Variants in CPM observed in about 807,000 individuals in gnomAD.
The protein encoded by CPM is carboxypeptidase M.
In CPM, 35 loss-of-function variants were observed where a neutral mutation model predicts 46.4. The observed-to-expected ratio is 0.75, with a 90% confidence interval of 0.58 to 1.00. The LOEUF (loss-of-function observed/expected upper bound fraction) is 1.00, where lower values mean the gene tolerates loss of function less well. Among genes scored for constraint, CPM ranks in the 50% least tolerant of loss-of-function variants. CPM has a pLI of 0.00. For missense variants in CPM, 422 were observed against 530.4 expected (o/e 0.80, Z 2.01); for synonymous variants, 195 against 195.3 (o/e 1.00, Z 0.01).
intron 2 of CPM, among the ~76,000 whole-genome samples, chr12:68,900,660 G>T (rs1887075497): frequency 6.6e-6 from 1 of 152,126 alleles, no homozygotes; most frequent in Non-Finnish European, 1.5e-5. Context: ...TAAATAACCT[G>T]TGGTACACTC....
intron 7 of CPM, 135 bp from the exon 8 acceptor site, chr12:68,859,206 AG>A: frequency 4.3e-6 from 2 of 466,230 alleles, no homozygotes; most frequent in Non-Finnish European, 6.8e-6. Flanking sequence ...AGTGTTAGAG[AG>A]GGAAAAAACT....
chr12:68,959,463 A>G (rs111708096), intron 1 of CPM, among the ~76,000 whole-genome samples: 197 of 152,392 alleles, frequency 1.3e-3, no homozygotes, highest in Non-Finnish European at 2.3e-3. Flanking sequence ...TACGCTGTTA[A>G]TTCTTCAAAA....
At chr12:68,898,815 T>G (rs1239071450) in intron 2 of CPM, among the ~76,000 whole-genome samples, 2 of 152,224 alleles carry the variant, frequency 1.3e-5, no homozygotes, top group African/African-American at 4.8e-5. Context: ...TCTAAATGAA[T>G]CAGTTTCCTC....
intron 1 of CPM, among the ~76,000 whole-genome samples, chr12:68,947,418 A>G (rs1225415590): frequency 6.6e-6 from 1 of 151,934 alleles, no homozygotes; most frequent in Non-Finnish European, 1.5e-5. Context: ...CCAACATGGC[A>G]AAACCATATC....
chr12:68,877,231 T>C (rs926506937), intron 3 of CPM, among the ~76,000 whole-genome samples: 1 of 152,198 alleles, frequency 6.6e-6, no homozygotes, highest in Non-Finnish European at 1.5e-5. Flanking sequence ...CTGACCTCCC[T>C]TTCTCTAACT....
chr12:68,957,922 A>G (rs973881796), intron 1 of CPM, among the ~76,000 whole-genome samples: 1 of 141,890 alleles, frequency 7.0e-6, no homozygotes, highest in Non-Finnish European at 1.5e-5. Flanking sequence ...GTTCCCACCT[A>G]TGAGTGAGAA....
At chr12:68,904,274 A>C (rs1482613402) in intron 2 of CPM, among the ~76,000 whole-genome samples, 1 of 152,200 alleles carries the variant, frequency 6.6e-6, no homozygotes, top group Non-Finnish European at 1.5e-5. Flanking sequence ...CATTCCAGAG[A>C]CACTCTTGAC....
chr12:68,876,921 A>T (rs200793159), intron 3 of CPM, among the ~76,000 whole-genome samples: 27 of 48,940 alleles, frequency 5.5e-4, no homozygotes, highest in Middle Eastern at 8.2e-3. Flanking sequence ...TGTGTGTGTG[A>T]GAGAGAGAGA....
intron 2 of CPM, among the ~76,000 whole-genome samples, chr12:68,894,243 C>A (rs975764398): frequency 2.0e-5 from 3 of 152,214 alleles, no homozygotes; most frequent in African/African-American, 7.2e-5. Flanking sequence ...AGGGCACTGC[C>A]TGGTGTGTTC....
At chr12:68,914,688 C>T (rs1447326319) in intron 2 of CPM, among the ~76,000 whole-genome samples, 1 of 152,140 alleles carries the variant, frequency 6.6e-6, no homozygotes, top group East Asian at 1.9e-4. Context: ...GAATCAGCTG[C>T]TCTGATTTAA....
intron 2 of CPM, among the ~76,000 whole-genome samples, chr12:68,917,084 T>C (rs1210962887): frequency 1.3e-5 from 2 of 152,102 alleles, no homozygotes; most frequent in Non-Finnish European, 2.9e-5. Context: ...CTCCATAATC[T>C]ACCCCACACT....
At position 68,855,023 on chromosome 12, in the gene CPM, ATT is replaced by A. The variant is rs35952022; in HGVS notation, c.*1412_*1413del. Reference sequence around the variant, plus strand: ...AGGCATGCACCACCACGCCCGACTAATTTTTTTTTTTTTTTTAGTAGAGATGG... The same window carrying A: ...AGGCATGCACCACCACGCCCGACTAATTTTTTTTTTTTTTAGTAGAGATGG... On this transcript the variant is annotated 3_prime_UTR_variant, in exon 9 of 9. Coordinates refer to ENST00000551568, the MANE Select transcript of CPM (RefSeq NM_198320.5). 12 of 144,164 alleles carry A rather than the reference ATT, an allele frequency of 8.3e-5. No individual in the cohort carries two copies. The highest frequency in any genetic ancestry group is 3.5e-3 in the Middle Eastern group (1 of 282). The allele number at this position is 144,164 out of a possible 1,614,324, so 8.9% of individuals were successfully genotyped here.
In CPM at chr12:68,862,320, C is replaced by G. The variant is rs191034505; in HGVS notation, c.941-3249G>C. On this transcript the variant is annotated intron_variant, in intron 7 of 8. Coordinates refer to ENST00000551568, the MANE Select transcript of CPM (RefSeq NM_198320.5). ...CACCAGTTCGGCTCACTGCAACTTT[C>G]ATCTCCCGGGTTCAAGCGATTCTCC... is the stretch of plus-strand genomic sequence containing the variant. Among the ~76,000 whole-genome samples, 3 of 138,926 alleles carry G rather than the reference C, an allele frequency of 2.2e-5. No homozygotes were observed. The East Asian group carries it at 5.8e-4, about 27-fold the overall frequency. The allele number at this position is 138,926 out of a possible 152,430, so 91.1% of individuals were successfully genotyped here. A position where few individuals can be genotyped will look rare whatever the true frequency, so the allele number is the denominator to read the frequency against.
chr12:68,929,607 T>G (rs189503974), intron 2 of CPM, among the ~76,000 whole-genome samples: 2 of 152,328 alleles, frequency 1.3e-5, no homozygotes, highest in East Asian at 3.9e-4. Flanking sequence ...TTAACTTTTG[T>G]GTGGATTTTA....
At chr12:68,913,189 C>T (rs1311011956) in intron 2 of CPM, among the ~76,000 whole-genome samples, 1 of 152,186 alleles carries the variant, frequency 6.6e-6, no homozygotes, top group African/African-American at 2.4e-5. Flanking sequence ...AGTCTGTGCT[C>T]ACTGGAAAGT....
At chr12:68,845,162 G>A (rs184278637) in intron 5 of CPM, 65 of 223,570 alleles carry the variant, frequency 2.9e-4, no homozygotes, top group South Asian at 5.5e-4. Context: ...TTTTAGTTGC[G>A]CTTTATGGGT....
At chr12:68,949,939 A>C (rs993438987) in intron 1 of CPM, among the ~76,000 whole-genome samples, 3 of 152,098 alleles carry the variant, frequency 2.0e-5, no homozygotes, top group African/African-American at 7.2e-5. Context: ...CTTCCCTTTA[A>C]GTCAAATCAA....
chr12:68,901,877 G>A (rs1887128342), intron 2 of CPM, among the ~76,000 whole-genome samples: 1 of 152,150 alleles, frequency 6.6e-6, no homozygotes, highest in Admixed American at 6.5e-5. Flanking sequence ...AGGGGAGAGA[G>A]GAGAGAGAAG....
At chr12:68,863,805 A>C (rs564115466) in intron 7 of CPM, among the ~76,000 whole-genome samples, 1 of 152,318 alleles carries the variant, frequency 6.6e-6, no homozygotes, top group South Asian at 2.1e-4. Flanking sequence ...ACTCAGAAGC[A>C]TCCTAGCAAT....
Sources: allele counts gnomAD v4.1 joint callset (sites outside exome capture counted in the v4.1 genomes callset), GRCh38; gene constraint gnomAD v4.1.1; transcripts MANE v1.5; gene names NCBI Gene and HGNC (gene_info 2026-07-23, HGNC 2026-07-21).